Variants in ZMAT4 observed in about 807,000 individuals in gnomAD.
ZMAT4 encodes zinc finger matrin-type 4, also known as zinc finger matrin-type protein 4.
ZMAT4 carries 17 observed loss-of-function variants against 28.7 expected under a neutral mutation model. The ratio of observed to expected loss-of-function variants is 0.59; its 90% CI spans 0.41 to 0.89. The LOEUF (loss-of-function observed/expected upper bound fraction) is 0.89. ZMAT4 is among the 40% of genes least tolerant of loss of function. The probability of loss-of-function intolerance (pLI) is 0.00; values close to 1 mark genes in which losing one functional copy is unlikely to be tolerated. For synonymous variants in ZMAT4, 117 were observed against 109.2 expected (o/e 1.07, Z -0.44); for missense variants, 240 against 283.8 (o/e 0.85, Z 1.11).
At chr8:40,749,354 T>C (rs1174668224) in intron 3 of ZMAT4, among the ~76,000 whole-genome samples, 1 of 152,228 alleles carries the variant, frequency 6.6e-6, no homozygotes, top group Non-Finnish European at 1.5e-5. Flanking sequence ...CTTTAAAATT[T>C]TTAGATGAAG....
At chr8:40,625,257 G>A (rs1806330403) in intron 5 of ZMAT4, among the ~76,000 whole-genome samples, 1 of 148,344 alleles carries the variant, frequency 6.7e-6, no homozygotes, top group South Asian at 2.1e-4. Context: ...GGACAGGGAG[G>A]CAGGAAGGAG....
intron 6 of ZMAT4, among the ~76,000 whole-genome samples, chr8:40,573,949 C>A (rs1488660114): frequency 6.6e-6 from 1 of 152,124 alleles, no homozygotes; most frequent in Admixed American, 6.6e-5. Flanking sequence ...GTTTAATAAT[C>A]TTTTTTCTTA....
intron 5 of ZMAT4, among the ~76,000 whole-genome samples, chr8:40,671,922 G>T (rs1015192063): frequency 6.6e-6 from 1 of 152,182 alleles, no homozygotes; most frequent in African/African-American, 2.4e-5. Flanking sequence ...GATTTCAGGT[G>T]ATTTTGTTTT....
chr8:40,763,777 C>T (rs1281844827), intron 3 of ZMAT4, among the ~76,000 whole-genome samples: 1 of 152,142 alleles, frequency 6.6e-6, no homozygotes, highest in Non-Finnish European at 1.5e-5. Flanking sequence ...AAGTGACACT[C>T]AGCTTCTCAA....
chr8:40,682,362 C>G (rs1202894196), intron 4 of ZMAT4, among the ~76,000 whole-genome samples: 1 of 152,062 alleles, frequency 6.6e-6, no homozygotes, highest in Non-Finnish European at 1.5e-5. Context: ...GAAGGCTGGC[C>G]CAGTCAGAAT....
At chr8:40,885,885 C>T (rs1333514106) in intron 1 of ZMAT4, among the ~76,000 whole-genome samples, 1 of 152,198 alleles carries the variant, frequency 6.6e-6, no homozygotes, top group Admixed American at 6.5e-5. Context: ...TGGGGCTTCA[C>T]GTTTCTCCCT....
intron 5 of ZMAT4, among the ~76,000 whole-genome samples, chr8:40,628,562 A>T (rs1217535032): frequency 6.6e-6 from 1 of 152,166 alleles, no homozygotes. Context: ...GAGAATGGCT[A>T]TTATGGAATT....
At chr8:40,884,953 C>T (rs765494926) in intron 1 of ZMAT4, 14 of 152,198 alleles carry the variant, frequency 9.2e-5, no homozygotes, top group Non-Finnish European at 1.6e-4. Flanking sequence ...CTATCTGGCT[C>T]TTTAAGAAAG....
At chr8:40,705,387 G>T (rs1810308473) in intron 3 of ZMAT4, among the ~76,000 whole-genome samples, 1 of 152,090 alleles carries the variant, frequency 6.6e-6, no homozygotes. Context: ...GAAGATCACA[G>T]CACTTATTTC....
chr8:40,628,603 C>T (rs1302346489), intron 5 of ZMAT4, among the ~76,000 whole-genome samples: 2 of 151,822 alleles, frequency 1.3e-5, no homozygotes, highest in South Asian at 2.1e-4. Context: ...AAGCTGTGGT[C>T]GAGGTGTGAA....
Position 40,581,129 on chromosome 8 carries a change from G to A in ZMAT4, c.674+36C>T, listed in dbSNP as rs945179301. Reference sequence around the variant, plus strand: ...TAGTCATCTTACTAAAAATTACATCGAAGAAACTGAAGAGTGAAAGCACAA... The same window carrying A: ...TAGTCATCTTACTAAAAATTACATCAAAGAAACTGAAGAGTGAAAGCACAA... On this transcript the variant is annotated intron_variant, in intron 6 of 6. Transcript: ENST00000297737. 2.4e-5 allele frequency: 37 copies of A among 1,555,184 alleles called. No individual in the cohort carries two copies. The East Asian group carries it at 2.5e-4, about 10-fold the overall frequency.
At chr8:40,544,371 C>A (rs558574865) in intron 6 of ZMAT4, among the ~76,000 whole-genome samples, 1 of 152,132 alleles carries the variant, frequency 6.6e-6, no homozygotes, top group Non-Finnish European at 1.5e-5. Context: ...CATATAGCCA[C>A]AGGTAAGACT....
At chr8:40,726,105 T>C (rs748834923) in intron 3 of ZMAT4, among the ~76,000 whole-genome samples, 27 of 152,224 alleles carry the variant, frequency 1.8e-4, no homozygotes, top group Admixed American at 2.6e-4. Context: ...GCTGGCTAAA[T>C]ATGACAGGCT....
intron 1 of ZMAT4, 146 bp from the exon 2 acceptor site, chr8:40,825,826 A>C: frequency 1.7e-6 from 1 of 603,160 alleles, no homozygotes; most frequent in Non-Finnish European, 2.9e-6. Flanking sequence ...TGACGTTATC[A>C]TATCGATTAA....
chr8:40,820,870 T>C (rs968345806), intron 2 of ZMAT4, among the ~76,000 whole-genome samples: 8 of 142,580 alleles, frequency 5.6e-5, no homozygotes, highest in Admixed American at 2.7e-4. Context: ...TTTGTGTGTT[T>C]ATGTGTGCAT....
chr8:40,820,463 GGTGTATGTGTGTTTAT>G lies in ZMAT4; in HGVS notation c.102+5096_102+5111del, dbSNP rs1271873016. ...TGTATTTGTGTGTGGGGTGTCTGGG[GGTGTATGTGTGTTTAT>G]GTGTATGTGTGTATATGTGTGTATG... On this transcript the variant is annotated intron_variant, in intron 2 of 6. Coordinates refer to ENST00000297737, the MANE Select transcript of ZMAT4 (RefSeq NM_024645.3). 1.6e-4 allele frequency among the ~76,000 whole-genome samples: 23 copies of G among 147,564 alleles called. No individual in the cohort carries two copies. The East Asian group carries it at 3.7e-3, about 24-fold the overall frequency.
intron 2 of ZMAT4, among the ~76,000 whole-genome samples, chr8:40,784,611 T>C (rs957969465): frequency 2.6e-5 from 4 of 152,206 alleles, no homozygotes; most frequent in African/African-American, 7.2e-5. Flanking sequence ...CTAAAACGTA[T>C]TGTTTGCAAA....
intron 5 of ZMAT4, among the ~76,000 whole-genome samples, chr8:40,612,526 A>G (rs1273735786): frequency 1.5e-5 from 2 of 136,978 alleles, no homozygotes; most frequent in Admixed American, 7.3e-5. Flanking sequence ...TCTTGCTCTT[A>G]TCTTGTCACT....
At chr8:40,539,000 G>A (rs555266915) in intron 6 of ZMAT4, among the ~76,000 whole-genome samples, 2 of 152,178 alleles carry the variant, frequency 1.3e-5, no homozygotes, top group East Asian at 3.9e-4. Context: ...TAGCCAGGCT[G>A]GTCTTGATCT....
Sources: allele counts gnomAD v4.1 joint callset (sites outside exome capture counted in the v4.1 genomes callset), GRCh38; gene constraint gnomAD v4.1.1; transcripts MANE v1.5; gene names NCBI Gene and HGNC (gene_info 2026-07-23, HGNC 2026-07-21).